Variants in ZNRF2 observed in about 807,000 individuals in gnomAD.
ZNRF2 encodes the protein E3 ubiquitin-protein ligase ZNRF2.
Under a neutral mutation model 20.4 loss-of-function variants are expected in ZNRF2, and 16 were observed. The observed-to-expected ratio is 0.79, with a 90% CI of 0.53 to 1.19. ZNRF2 has a LOEUF of 1.19. Ranked by LOEUF, ZNRF2 falls within the 50% of genes most tolerant of loss-of-function variation. ZNRF2 has a pLI of 0.00. For missense variants in ZNRF2, 363 were observed against 332.4 expected (o/e 1.09, Z -0.72); for synonymous variants, 178 against 144.9 (o/e 1.23, Z -1.64).
intron 1 of ZNRF2, among the ~76,000 whole-genome samples, chr7:30,296,765 T>TTAAA (rs1799026193): frequency 2.0e-5 from 3 of 152,222 alleles, no homozygotes; most frequent in African/African-American, 7.2e-5. Context: ...ATAACTAAAA[T>TTAAA]TAAGAATATT....
Position 30,366,021 on chromosome 7 carries a change from C to CT in ZNRF2, c.*23-13dup, listed in dbSNP as rs1267313452. Reference sequence around the variant, plus strand: ...ACTAAAGCAATGTTCATGGGGAAATCTATTTTTACACAGGTTTTCTTGTCT... The same window carrying CT: ...ACTAAAGCAATGTTCATGGGGAAATCTTATTTTTACACAGGTTTTCTTGTCT... On this transcript the variant is annotated splice_polypyrimidine_tract_variant and intron_variant, in intron 4 of 4. Transcript: ENST00000323037. 2.0e-5 allele frequency: 3 copies of CT among 152,308 alleles called. No individual in the cohort carries two copies. The highest frequency in any genetic ancestry group is 7.2e-5 in the African/African-American group (3 of 41,556). 9.4% of individuals were successfully genotyped at this position (152,308 alleles called of 1,614,324 possible).
intron 1 of ZNRF2, among the ~76,000 whole-genome samples, chr7:30,311,594 G>A (rs573314686): frequency 4.6e-5 from 7 of 152,158 alleles, no homozygotes; most frequent in African/African-American, 9.7e-5. Context: ...AGAAAGTTGC[G>A]CTGGGTTCTA....
intron 2 of ZNRF2, among the ~76,000 whole-genome samples, chr7:30,339,444 A>G (rs140600251): frequency 0.011 from 1,731 of 152,266 alleles, 31 homozygotes; most frequent in African/African-American, 0.039. Flanking sequence ...TAATTTTTAT[A>G]TAAGGTGTAA....
At chr7:30,304,497 T>G (rs1178036175) in intron 1 of ZNRF2, among the ~76,000 whole-genome samples, 1 of 152,216 alleles carries the variant, frequency 6.6e-6, no homozygotes, top group Non-Finnish European at 1.5e-5. Context: ...ATTATTTTGG[T>G]CTTTTAGGAA....
chr7:30,352,577 A>G (rs1453704591), intron 2 of ZNRF2, among the ~76,000 whole-genome samples: 2 of 152,064 alleles, frequency 1.3e-5, no homozygotes, highest in Non-Finnish European at 2.9e-5. Flanking sequence ...TTAAAAAGCA[A>G]CATGTTTAGT....
chr7:30,318,429 T>C (rs894161179), intron 1 of ZNRF2, among the ~76,000 whole-genome samples: 2 of 152,216 alleles, frequency 1.3e-5, no homozygotes, highest in African/African-American at 4.8e-5. Context: ...TTTGCAGTTG[T>C]AGAATAATGA....
At chr7:30,328,964 A>G (rs181492245) in intron 2 of ZNRF2, among the ~76,000 whole-genome samples, 18 of 152,300 alleles carry the variant, frequency 1.2e-4, no homozygotes, top group Admixed American at 5.2e-4. Context: ...TGCCTGTTTC[A>G]TATACTTTTC....
At chr7:30,356,467 C>T (rs1800039983) in intron 3 of ZNRF2, among the ~76,000 whole-genome samples, 1 of 152,006 alleles carries the variant, frequency 6.6e-6, no homozygotes, top group South Asian at 2.1e-4. Context: ...ATAGAACAAA[C>T]CCACTGGTTG....
At chr7:30,293,913 G>C (rs940609772) in intron 1 of ZNRF2, among the ~76,000 whole-genome samples, 6 of 152,146 alleles carry the variant, frequency 3.9e-5, no homozygotes, top group African/African-American at 1.4e-4. Context: ...TGATTAGTCT[G>C]TAATAGTTCT....
chr7:30,315,780 C>T (rs1799363981), intron 1 of ZNRF2, among the ~76,000 whole-genome samples: 2 of 147,450 alleles, frequency 1.4e-5, no homozygotes, highest in East Asian at 4.0e-4. Context: ...TTAAAGAATC[C>T]TTGTAAGACA....
intron 4 of ZNRF2, among the ~76,000 whole-genome samples, chr7:30,363,885 T>C (rs755562721): frequency 7.9e-5 from 12 of 152,198 alleles, no homozygotes; most frequent in Non-Finnish European, 1.3e-4. Context: ...AGAGATGATA[T>C]AAAGCATTGG....
chr7:30,317,185 C>T (rs1057081183), intron 1 of ZNRF2, among the ~76,000 whole-genome samples: 3 of 152,100 alleles, frequency 2.0e-5, no homozygotes, highest in Non-Finnish European at 2.9e-5. Flanking sequence ...AGTTCATTTC[C>T]GTATTTATTT....
chr7:30,293,350 G>A (rs1268762643), intron 1 of ZNRF2, among the ~76,000 whole-genome samples: 2 of 151,166 alleles, frequency 1.3e-5, no homozygotes, highest in African/African-American at 4.9e-5. Context: ...CCAGGTTCAA[G>A]TGATTCTTGT....
At chr7:30,302,417 C>T (rs1156798040) in intron 1 of ZNRF2, among the ~76,000 whole-genome samples, 2 of 152,098 alleles carry the variant, frequency 1.3e-5, no homozygotes, top group African/African-American at 4.8e-5. Context: ...GGGAGGCTTT[C>T]TGGTCATAGG....
chr7:30,327,989 T>C (rs1799580399), intron 2 of ZNRF2, among the ~76,000 whole-genome samples: 1 of 152,190 alleles, frequency 6.6e-6, no homozygotes, highest in African/African-American at 2.4e-5. Context: ...GTTTTAAAAC[T>C]AGCTCTTGGA....
chr7:30,300,848 A>G (rs1161427680), intron 1 of ZNRF2, among the ~76,000 whole-genome samples: 2 of 152,222 alleles, frequency 1.3e-5, no homozygotes, highest in Non-Finnish European at 1.5e-5. Flanking sequence ...ATGGCTAGAT[A>G]TATGTAGTTT....
intron 1 of ZNRF2, among the ~76,000 whole-genome samples, chr7:30,295,008 A>T: frequency 8.1e-6 from 1 of 123,572 alleles, no homozygotes; most frequent in African/African-American, 3.1e-5. Context: ...AGAGAGAGGG[A>T]GGGAAGGAGA....
At chr7:30,316,967 C>T (rs1799385486) in intron 1 of ZNRF2, among the ~76,000 whole-genome samples, 1 of 152,044 alleles carries the variant, frequency 6.6e-6, no homozygotes, top group African/African-American at 2.4e-5. Flanking sequence ...GTCTAAAGTT[C>T]TTTGCTTATG....
In ZNRF2 at chr7:30,297,899, C is replaced by T. The variant is rs577502042; in HGVS notation, c.469+12073C>T. ...TATTTAAAGACAAGGTCTCGAGGCTCTGTCACCTAGGTTGGAGTGTAGTCG... is the reference window on the plus strand; with the variant it reads ...TATTTAAAGACAAGGTCTCGAGGCTTTGTCACCTAGGTTGGAGTGTAGTCG... On this transcript the variant is annotated intron_variant, in intron 1 of 4. Transcript: ENST00000323037. 2.0e-5 allele frequency among the ~76,000 whole-genome samples: 3 copies of T among 152,128 alleles called. No individual in the cohort carries two copies. The South Asian group carries it at 6.2e-4, about 32-fold the overall frequency.
Sources: gnomAD v4.1 joint callset for allele counts (sites outside exome capture counted in the v4.1 genomes callset) on GRCh38, gnomAD v4.1.1 for gene constraint, MANE v1.5 for transcripts, NCBI Gene and HGNC (gene_info 2026-07-23, HGNC 2026-07-21) for gene names.